The following CFAP97 variants were observed in gnomAD, a reference collection of about 807,000 sequenced individuals.
The protein encoded by CFAP97 is cilia- and flagella-associated protein 97.
A neutral mutation model predicts 43.1 loss-of-function variants in CFAP97; 36 were observed. The ratio of observed to expected loss-of-function variants is 0.84; its 90% CI spans 0.64 to 1.10. The LOEUF is 1.10. Among genes scored for constraint, CFAP97 ranks in the 50% least tolerant of loss-of-function variants. The pLI, the probability that CFAP97 is intolerant of heterozygous loss-of-function variation, is 0.00. For missense variants in CFAP97, 657 were observed against 620.3 expected, an observed-to-expected ratio of 1.06 and a Z score of -0.63; for synonymous variants, 228 against 225.7, an observed-to-expected ratio of 1.01 and a Z score of -0.09.
chr4:185,173,135 G>C (rs2111335584), intron 3 of CFAP97, among the ~76,000 whole-genome samples: 1 of 152,234 alleles, frequency 6.6e-6, no homozygotes, highest in Admixed American at 6.5e-5. Flanking sequence ...AGGCAGAGGA[G>C]GGAGGATCAT....
intron 2 of CFAP97, among the ~76,000 whole-genome samples, chr4:185,181,467 A>G (rs1318435178): frequency 2.0e-5 from 3 of 151,478 alleles, no homozygotes; most frequent in Non-Finnish European, 2.9e-5. Flanking sequence ...CTGGGATTAC[A>G]GGCATGTGCC....
intron 3 of CFAP97, chr4:185,169,670 T>C (rs1735216734): frequency 1.0e-6 from 1 of 985,294 alleles, no homozygotes; most frequent in Admixed American, 6.1e-5. Context: ...CAAATAAATG[T>C]CTTAATGATT....
In CFAP97 at chr4:185,190,410, T is replaced by C. The variant is rs759440454; in HGVS notation, c.787A>G (p.Ile263Val). The C allele has an allele frequency of 1.2e-6, 2 of 1,613,238 alleles. No individual in the cohort carries two copies. Among genetic ancestry groups the C allele is most frequent in the African/African-American group, 2.7e-5 (2 of 74,952 alleles). ...AGTTCAAAAGACTGAAGAGGGCTAA[T>C]GTCTGGAGTTGATAAGGGACTTACG... ...TDVSPLSTPD[I>V]SPLQSFELGI... Residue 263 changes from isoleucine (I) to valine (V), a missense_variant, in exon 2 of 5, where the codon ATT (isoleucine) becomes GTT (valine). By Grantham distance (29) the Ile-to-Val change is conservative. Coordinates refer to ENST00000458385, the MANE Select transcript of CFAP97 (RefSeq NM_020827.3).
intron 2 of CFAP97, among the ~76,000 whole-genome samples, chr4:185,179,769 T>C (rs1735710769): frequency 6.6e-6 from 1 of 152,200 alleles, no homozygotes; most frequent in South Asian, 2.1e-4. Flanking sequence ...GATTAGTTCA[T>C]CACTTTTAAA....
intron 3 of CFAP97, among the ~76,000 whole-genome samples, chr4:185,175,008 A>T (rs1008172088): frequency 6.6e-6 from 1 of 152,236 alleles, no homozygotes; most frequent in African/African-American, 2.4e-5. Flanking sequence ...TCATACATTT[A>T]AGTAGCAGAT....
At chr4:185,180,619 A>T (rs9996887) in intron 2 of CFAP97, among the ~76,000 whole-genome samples, 75,091 of 151,724 alleles carry the variant, frequency 0.49, 18,795 homozygotes, top group Middle Eastern at 0.58. Context: ...ATACTTCTGT[A>T]TTTTTTTTAA....
chr4:185,174,409 T>A (rs543504267), intron 3 of CFAP97, among the ~76,000 whole-genome samples: 1 of 152,280 alleles, frequency 6.6e-6, no homozygotes, highest in East Asian at 1.9e-4. Flanking sequence ...GTAATCCTCT[T>A]GAAGGGTTCA....
intron 2 of CFAP97, among the ~76,000 whole-genome samples, chr4:185,178,029 AT>A: frequency 6.6e-6 from 1 of 152,028 alleles, no homozygotes; most frequent in Non-Finnish European, 1.5e-5. Flanking sequence ...GAAATTAATG[AT>A]TGGTAATTTG....
chr4:185,190,705 T>C lies in CFAP97; in HGVS notation c.492A>G (p.Lys164=). The C allele has an allele frequency of 1.3e-6, 2 of 1,570,182 alleles. No homozygotes were observed. The highest frequency in any genetic ancestry group is 1.7e-6 in the Non-Finnish European group (2 of 1,156,014). ...AAGAGGAGCTAACTTTGCAATACTT[T>C]TTCCTTATGCTTTTTTTAACGTTAG... ...PSTNVKKSIR[K]KYCKVSSSSS... is the part of the protein sequence containing the mutation. Residue 164 remains lysine (K), a synonymous_variant, in exon 2 of 5, where the codon AAA becomes AAG. Transcript: ENST00000458385.
At chr4:185,200,773 C>A (rs1201864986) in intron 1 of CFAP97, among the ~76,000 whole-genome samples, 1 of 151,882 alleles carries the variant, frequency 6.6e-6, no homozygotes, top group Non-Finnish European at 1.5e-5. Flanking sequence ...GGTGACAGAA[C>A]AAGACCCTGT....
At chr4:185,175,720 G>T in intron 3 of CFAP97, 66 bp downstream of exon 3, 1 of 1,481,022 alleles carries the variant, frequency 6.8e-7, no homozygotes, top group South Asian at 1.3e-5. Context: ...TAGGTTTCCT[G>T]TAAGCTGGAC....
At position 185,190,154 on chromosome 4, in the gene CFAP97, T is replaced by C. The variant is rs1579255886; in HGVS notation, c.1043A>G (p.His348Arg). The stretch of plus-strand genomic sequence containing the variant: ...GAAAAGAAAATTACCTTTCAAGAGA[T>C]GATTCAGATCCATTGTGTCATGTAA... ...KVLHDTMDLN[H>R]LLKAFLQLDK... Residue 348 changes from histidine (H) to arginine (R), a missense_variant, in exon 2 of 5, where the codon CAT becomes CGT. Coordinates refer to ENST00000458385, the MANE Select transcript of CFAP97 (RefSeq NM_020827.3). The C allele has an allele frequency of 6.4e-7, 1 of 1,555,240 alleles. No homozygotes were observed. Among genetic ancestry groups the C allele is most frequent in the Non-Finnish European group, 8.7e-7 (1 of 1,152,048 alleles).
intron 3 of CFAP97, among the ~76,000 whole-genome samples, chr4:185,173,008 T>G (rs1735365164): frequency 6.6e-6 from 1 of 151,934 alleles, no homozygotes; most frequent in African/African-American, 2.4e-5. Flanking sequence ...ATATAAATAA[T>G]TAGATTTATA....
In CFAP97 at chr4:185,163,592, TA is replaced by T. The variant is rs1399318190; in HGVS notation, c.1471+436del. On this transcript the variant is annotated intron_variant, in intron 4 of 4. Coordinates refer to ENST00000458385, the MANE Select transcript of CFAP97 (RefSeq NM_020827.3). ...AGCCTTACTGCTTACTGTAAAGCGG[TA>T]AGGCTTGTTGTGTGATCAGCTTGCT... Among the ~76,000 whole-genome samples, 5 of 151,926 alleles carry T rather than the reference TA, an allele frequency of 3.3e-5. No individual in the cohort carries two copies. In the East Asian group the frequency reaches 7.8e-4, roughly 24 times the overall value.
chr4:185,189,258 C>A (rs111642919), intron 2 of CFAP97, among the ~76,000 whole-genome samples: 1 of 152,046 alleles, frequency 6.6e-6, no homozygotes, highest in African/African-American at 2.4e-5. Flanking sequence ...ACAAAACCTA[C>A]AAAAGTGGCA....
At chr4:185,183,336 G>A (rs1237351542) in intron 2 of CFAP97, among the ~76,000 whole-genome samples, 2 of 152,212 alleles carry the variant, frequency 1.3e-5, no homozygotes, top group Non-Finnish European at 2.9e-5. Context: ...GCTGTGCTCT[G>A]ATGGGCTCAC....
chr4:185,207,592 A>T (rs1737241944), upstream of CFAP97: 1 of 152,070 alleles, frequency 6.6e-6, no homozygotes, highest in Non-Finnish European at 1.5e-5. Flanking sequence ...CTGTAATATG[A>T]GATGAGTAAA....
At chr4:185,174,231 A>C (rs1043129725) in intron 3 of CFAP97, among the ~76,000 whole-genome samples, 3 of 152,190 alleles carry the variant, frequency 2.0e-5, no homozygotes, top group Non-Finnish European at 4.4e-5. Context: ...GAGTGAAAAC[A>C]AAGGAAGTAA....
intron 1 of CFAP97, among the ~76,000 whole-genome samples, chr4:185,200,671 G>A (rs1009100633): frequency 2.0e-5 from 3 of 151,564 alleles, no homozygotes; most frequent in African/African-American, 4.8e-5. Flanking sequence ...GCAGTGGCAC[G>A]TGCCTGTAGA....
Sources: gnomAD v4.1 joint callset for allele counts (sites outside exome capture counted in the v4.1 genomes callset) on GRCh38, gnomAD v4.1.1 for gene constraint, MANE v1.5 for transcripts, NCBI Gene and HGNC (gene_info 2026-07-23, HGNC 2026-07-21) for gene names.